WAC: variants seen among roughly 807,000 people sequenced by gnomAD.
The protein encoded by WAC is WW domain-containing adapter protein with coiled-coil.
Under a neutral mutation model 79.6 loss-of-function variants are expected in WAC, and 11 were observed. The ratio of observed to expected loss-of-function variants is 0.14; its 90% CI spans 0.09 to 0.23. The LOEUF (loss-of-function observed/expected upper bound fraction) is 0.23. Among genes scored for constraint, WAC ranks in the 10% least tolerant of loss-of-function variants. WAC has a pLI of 1.00. For missense variants in WAC, 728 were observed against 773.5 expected, an observed-to-expected ratio of 0.94 and a Z score of 0.70; for synonymous variants, 304 against 276.9, an observed-to-expected ratio of 1.10 and a Z score of -0.97.
At chr10:28,542,164 G>A (rs2132355159) in intron 3 of WAC, among the ~76,000 whole-genome samples, 1 of 152,200 alleles carries the variant, frequency 6.6e-6, no homozygotes, top group African/African-American at 2.4e-5. Context: ...TTCTCCTACT[G>A]TGCTCACTCA....
intron 3 of WAC, among the ~76,000 whole-genome samples, chr10:28,548,324 T>TC (rs1461628566): frequency 1.3e-4 from 20 of 152,192 alleles, no homozygotes; most frequent in Admixed American, 1.3e-3. Flanking sequence ...ACTCTTTTTT[T>TC]CTTCTCTTTT....
intron 3 of WAC, among the ~76,000 whole-genome samples, chr10:28,578,668 T>A (rs936987224): frequency 9.8e-5 from 15 of 152,298 alleles, no homozygotes; most frequent in Admixed American, 9.2e-4. Flanking sequence ...CAGGTATGTT[T>A]TGATGAATTT....
intron 3 of WAC, among the ~76,000 whole-genome samples, chr10:28,554,703 T>C (rs1225502043): frequency 1.3e-5 from 2 of 152,208 alleles, no homozygotes. Context: ...TAAAAATCTT[T>C]TATTGCCCTT....
intron 3 of WAC, among the ~76,000 whole-genome samples, chr10:28,560,573 A>C (rs1167499999): frequency 2.0e-5 from 3 of 152,208 alleles, no homozygotes; most frequent in African/African-American, 7.2e-5. Context: ...TCTAGAGTCG[A>C]AGGCACAGAT....
chr10:28,616,079 T>A (rs938703036), intron 11 of WAC, 94 bp from the exon 12 acceptor site: 3 of 1,034,792 alleles, frequency 2.9e-6, no homozygotes, highest in Non-Finnish European at 4.1e-6. Flanking sequence ...TTGGATATCT[T>A]TAAGTTAATA....
chr10:28,565,614 T>A (rs1838558518), intron 3 of WAC, among the ~76,000 whole-genome samples: 1 of 152,252 alleles, frequency 6.6e-6, no homozygotes, highest in Non-Finnish European at 1.5e-5. Context: ...AATATTATTA[T>A]AAATTGTTAC....
chr10:28,608,551 T>G (rs1841071826), intron 8 of WAC, 120 bp downstream of exon 8: 7 of 1,152,684 alleles, frequency 6.1e-6, no homozygotes, highest in Non-Finnish European at 8.3e-6. Context: ...TTGAACACTT[T>G]TTTTTGTTTT....
At chr10:28,546,879 T>A (rs1837375832) in intron 3 of WAC, among the ~76,000 whole-genome samples, 1 of 150,966 alleles carries the variant, frequency 6.6e-6, no homozygotes, top group Admixed American at 6.6e-5. Context: ...TTTTTTTTTT[T>A]AACCCAAATC....
intron 3 of WAC, among the ~76,000 whole-genome samples, chr10:28,542,974 G>GT (rs1426288566): frequency 6.6e-6 from 1 of 152,180 alleles, no homozygotes; most frequent in East Asian, 1.9e-4. Flanking sequence ...TTGTATTCCT[G>GT]TTACCTTGAA....
chr10:28,572,318 CAG>C (rs776985639), intron 3 of WAC, among the ~76,000 whole-genome samples: 1 of 118,716 alleles, frequency 8.4e-6, no homozygotes, highest in Non-Finnish European at 1.7e-5. Context: ...GCCTGGGCAA[CAG>C]AGTGAGACTC....
intron 3 of WAC, among the ~76,000 whole-genome samples, chr10:28,581,781 G>T (rs1020354051): frequency 4.6e-5 from 7 of 152,066 alleles, no homozygotes; most frequent in African/African-American, 1.4e-4. Context: ...GGCTGGTCTC[G>T]AACTCCTGGA....
rs1429766116 is a variant in WAC, at chr10:28,610,815, A to G, written c.1282A>G (p.Thr428Ala). ...GATTTCTCAAGCTGCTCAGCTCTCT[A>G]CACAAGGTATTCTTACTCATCTTAG... The part of the protein sequence containing the change: ...SLISQAAQLS[T>A]QAQPSNQSPM... Residue 428 changes from threonine to alanine, a missense_variant, in exon 9 of 14, where the codon ACA becomes GCA. This residue lies in a region of WAC where 648 missense variants were observed against 661.5 expected (regional missense o/e 0.98). Coordinates refer to ENST00000354911, the MANE Select transcript of WAC (RefSeq NM_016628.5). 1.9e-6 allele frequency: 3 copies of G among 1,605,130 alleles called. No homozygotes were observed. The highest frequency in any genetic ancestry group is 2.2e-5 in the East Asian group (1 of 44,516).
chr10:28,594,279 G>A (rs1840242148), intron 6 of WAC, among the ~76,000 whole-genome samples: 1 of 152,094 alleles, frequency 6.6e-6, no homozygotes, highest in South Asian at 2.1e-4. Flanking sequence ...AGTTTTCTTG[G>A]TTGAGGAAAT....
intron 3 of WAC, among the ~76,000 whole-genome samples, chr10:28,576,221 A>C (rs765612391): frequency 7.9e-5 from 12 of 152,250 alleles, no homozygotes; most frequent in Non-Finnish European, 1.5e-4. Flanking sequence ...TACTGCCTGC[A>C]GATAGAAATA....
rs892210115 is a variant in WAC, at chr10:28,558,034, A to G, written c.274+22277A>G. Reference sequence around the variant, plus strand: ...AGTTGCAGTGAGCCTAGATTGTGCCATTGCATTCCAGCCTGGGCAACAGAG... The same window carrying G: ...AGTTGCAGTGAGCCTAGATTGTGCCGTTGCATTCCAGCCTGGGCAACAGAG... On this transcript the variant is annotated intron_variant, in intron 3 of 13. Coordinates refer to ENST00000354911, the MANE Select transcript of WAC (RefSeq NM_016628.5). 2.6e-5 allele frequency among the ~76,000 whole-genome samples: 4 copies of G among 152,150 alleles called. No homozygotes were observed. In the South Asian group the frequency reaches 6.2e-4, roughly 24 times the overall value.
intron 3 of WAC, among the ~76,000 whole-genome samples, chr10:28,542,940 A>T (rs1309895061): frequency 6.6e-6 from 1 of 152,244 alleles, no homozygotes; most frequent in Non-Finnish European, 1.5e-5. Flanking sequence ...AGAGGAAGTG[A>T]GAGTTTTAAT....
intron 10 of WAC, among the ~76,000 whole-genome samples, chr10:28,614,113 T>G (rs1476273331): frequency 6.6e-6 from 1 of 151,938 alleles, no homozygotes; most frequent in East Asian, 1.9e-4. Flanking sequence ...CTAGTTACTT[T>G]TTTTTTTTTT....
At position 28,608,282 on chromosome 10, in the gene WAC, C is replaced by A. The variant is rs940404623; in HGVS notation, c.1016C>A (p.Ser339Tyr). The stretch of plus-strand genomic sequence containing the variant: ...AACCCCACATCTGCACCTCCAACAT[C>A]TGCTTCAGCGGTCCCTGTTTCTCCT... ...GLNPTSAPPT[S>Y]ASAVPVSPVP... Residue 339 changes from serine to tyrosine, a missense_variant, in exon 8 of 14, where the codon TCT becomes TAT. Ser to Tyr is a moderately radical substitution (Grantham distance 144). Transcript: ENST00000354911. 1 of 1,614,226 alleles carries A rather than the reference C, an allele frequency of 6.2e-7. No homozygotes were observed. The highest frequency in any genetic ancestry group is 8.5e-7 in the Non-Finnish European group (1 of 1,180,032).
At chr10:28,541,361 CATT>C (rs1328521326) in intron 3 of WAC, among the ~76,000 whole-genome samples, 1 of 145,152 alleles carries the variant, frequency 6.9e-6, no homozygotes, top group Non-Finnish European at 1.5e-5. Flanking sequence ...AGATATAACT[CATT>C]GTCAATTTGA....
Sources: gnomAD v4.1 joint callset for allele counts (sites outside exome capture counted in the v4.1 genomes callset) on GRCh38, gnomAD v4.1.1 for gene constraint, gnomAD v4.1.1 regional missense constraint, MANE v1.5 for transcripts, NCBI Gene and HGNC (gene_info 2026-07-23, HGNC 2026-07-21) for gene names.